The following CCDC88C variants were observed in gnomAD, a reference collection of about 807,000 sequenced individuals.
CCDC88C encodes the protein protein Daple.
CCDC88C carries 131 observed loss-of-function variants against 198.8 expected under a neutral mutation model. That is an observed-to-expected ratio of 0.66 (90% CI 0.57 to 0.76). CCDC88C has a LOEUF of 0.76. Ranked by LOEUF, CCDC88C falls within the 30% of genes least tolerant of loss-of-function variation. The pLI is 0.00. For missense variants in CCDC88C, 2,553 were observed against 2,631.6 expected, an observed-to-expected ratio of 0.97 and a Z score of 0.65; for synonymous variants, 1,166 against 1,114.7, an observed-to-expected ratio of 1.05 and a Z score of -0.92.
At chr14:91,274,468 G>A (rs910731725) in intron 29 of CCDC88C, among the ~76,000 whole-genome samples, 1 of 152,230 alleles carries the variant, frequency 6.6e-6, no homozygotes, top group Non-Finnish European at 1.5e-5. Context: ...AGCTTCTCCT[G>A]AGGCTGACAT....
rs552261859 is a variant in CCDC88C at position 91,407,751 on chromosome 14, C to G, written c.270+908G>C. Reference sequence around the variant, plus strand: ...ATCACTAACACCATCAAAGACTCAACTGGCCTTCCCAAGGCTGGGATGGGT... The same window carrying G: ...ATCACTAACACCATCAAAGACTCAAGTGGCCTTCCCAAGGCTGGGATGGGT... On this transcript the variant is annotated intron_variant, in intron 3 of 29. Coordinates refer to ENST00000389857, the MANE Select transcript of CCDC88C (RefSeq NM_001080414.4). Among the ~76,000 whole-genome samples, 3 of 152,282 alleles carry G rather than the reference C, an allele frequency of 2.0e-5. No individual in the cohort carries two copies. The South Asian group carries it at 6.2e-4, about 32-fold the overall frequency.
At chr14:91,395,272 A>G (rs1248288563) in intron 3 of CCDC88C, among the ~76,000 whole-genome samples, 4 of 152,164 alleles carry the variant, frequency 2.6e-5, no homozygotes, top group Admixed American at 6.5e-5. Context: ...ATACAGGTGA[A>G]CAAGTACGTC....
intron 26 of CCDC88C, among the ~76,000 whole-genome samples, chr14:91,282,765 C>T (rs181647300): frequency 8.5e-5 from 13 of 152,270 alleles, no homozygotes; most frequent in African/African-American, 3.1e-4. Flanking sequence ...AGTTCAGAGA[C>T]GCTATCCTTT....
chr14:91,356,514 C>T (rs947513964), intron 4 of CCDC88C, among the ~76,000 whole-genome samples: 5 of 152,114 alleles, frequency 3.3e-5, no homozygotes, highest in African/African-American at 7.2e-5. Flanking sequence ...TTATATACCA[C>T]GGGGGCCCCA....
At chr14:91,332,981 G>C (rs554994379) in intron 10 of CCDC88C, among the ~76,000 whole-genome samples, 2 of 152,334 alleles carry the variant, frequency 1.3e-5, no homozygotes, top group East Asian at 3.9e-4. Flanking sequence ...GGGAATCCAC[G>C]AGTGAAGAGC....
At chr14:91,286,089 A>T (rs527981839) in intron 25 of CCDC88C, among the ~76,000 whole-genome samples, 1 of 152,172 alleles carries the variant, frequency 6.6e-6, no homozygotes, top group Admixed American at 6.5e-5. Context: ...TCAGCGTGTG[A>T]GGAGAATTAC....
intron 17 of CCDC88C, 60 bp downstream of exon 17, chr14:91,308,291 C>A (rs1039781120): frequency 5.0e-6 from 8 of 1,598,170 alleles, no homozygotes; most frequent in Admixed American, 1.7e-5. Flanking sequence ...AGGTGAGGGG[C>A]TGGAAAGGGT....
chr14:91,382,625 A>T (rs995949122), intron 3 of CCDC88C, among the ~76,000 whole-genome samples: 3 of 152,110 alleles, frequency 2.0e-5, no homozygotes, highest in African/African-American at 7.2e-5. Flanking sequence ...ACAACCACCA[A>T]AGCTGGGGAT....
At position 91,324,918 on chromosome 14, in the gene CCDC88C, C is replaced by G. The variant is rs1450931207; in HGVS notation, c.1203G>C (p.Arg401=). Residue 401 remains arginine, a synonymous_variant, in exon 12 of 30, where the codon CGG becomes CGC. Transcript: ENST00000389857. ...CCTCAATTCGTTTCTTATCTGTGTCCCGGTCCTGGGGCAAGCAAGAAGAGG... is the reference window on the plus strand; with the variant it reads ...CCTCAATTCGTTTCTTATCTGTGTCGCGGTCCTGGGGCAAGCAAGAAGAGG... The part of the protein sequence containing the change: ...KSKLHDLELD[R]DTDKKRIEEL... The G allele has an allele frequency of 6.2e-7, 1 of 1,613,600 alleles. No individual in the cohort carries two copies. Among genetic ancestry groups the G allele is most frequent in the Admixed American group, 1.7e-5 (1 of 60,026 alleles).
At chr14:91,278,889 C>CT (rs10671669) in intron 28 of CCDC88C, among the ~76,000 whole-genome samples, 11,742 of 54,210 alleles carry the variant, frequency 0.22, 4,283 homozygotes, top group Non-Finnish European at 0.29. Flanking sequence ...ACCAAATACA[C>CT]TTTTTTTTTT....
chr14:91,297,981 T>C (rs887284429), intron 21 of CCDC88C, among the ~76,000 whole-genome samples: 1 of 152,220 alleles, frequency 6.6e-6, no homozygotes, highest in African/African-American at 2.4e-5. Context: ...TGAGATGGTG[T>C]GTATTATGTA....
intron 10 of CCDC88C, among the ~76,000 whole-genome samples, chr14:91,331,708 A>G (rs1892833017): frequency 6.6e-6 from 1 of 152,132 alleles, no homozygotes; most frequent in African/African-American, 2.4e-5. Flanking sequence ...CCTGTTGGGG[A>G]GGCTCCCCAC....
intron 3 of CCDC88C, among the ~76,000 whole-genome samples, chr14:91,373,499 C>T (rs991868816): frequency 4.6e-5 from 7 of 152,308 alleles, no homozygotes; most frequent in Non-Finnish European, 1.0e-4. Flanking sequence ...CCCCCACTCG[C>T]TCCTCCAAAA....
intron 4 of CCDC88C, among the ~76,000 whole-genome samples, chr14:91,351,690 C>T (rs1019974421): frequency 2.4e-4 from 37 of 152,160 alleles, no homozygotes; most frequent in Non-Finnish European, 3.2e-4. Flanking sequence ...CTCTGGCAGG[C>T]GCTAAGCTGC....
At chr14:91,294,047 G>T in intron 23 of CCDC88C, 126 bp downstream of exon 23, 2 of 1,020,550 alleles carry the variant, frequency 2.0e-6, no homozygotes, top group Non-Finnish European at 3.0e-6. Context: ...ATCGGTCTGT[G>T]CCCTGCCCTC....
rs528919018 is a variant in CCDC88C, at chr14:91,312,468, A to C, written c.2736+612T>G. 2.4e-3 allele frequency among the ~76,000 whole-genome samples: 369 copies of C among 152,286 alleles called. 2 individuals are homozygous for C. Among genetic ancestry groups the C allele is most frequent in the African/African-American group, 8.6e-3 (356 of 41,552 alleles). ...GAGGCCGAGGCGGGTGGGTCACCTGAGGTCAGGCGTTCGAGACCAGCCTGG... is the reference window on the plus strand; with the variant it reads ...GAGGCCGAGGCGGGTGGGTCACCTGCGGTCAGGCGTTCGAGACCAGCCTGG... On this transcript the variant is annotated intron_variant, in intron 15 of 29. Coordinates refer to ENST00000389857, the MANE Select transcript of CCDC88C (RefSeq NM_001080414.4).
chr14:91,411,962 CAAAAA>C (rs35255337), intron 2 of CCDC88C, among the ~76,000 whole-genome samples: 1 of 97,856 alleles, frequency 1.0e-5, no homozygotes, highest in Non-Finnish European at 2.3e-5. Context: ...GACTCCATCT[CAAAAA>C]AAAAAAAAAA....
At chr14:91,357,230 C>A (rs555545247) in intron 4 of CCDC88C, among the ~76,000 whole-genome samples, 4 of 152,154 alleles carry the variant, frequency 2.6e-5, no homozygotes, top group African/African-American at 9.7e-5. Flanking sequence ...CACAGAAGCA[C>A]GTTTTCATTC....
At chr14:91,358,234 T>C (rs1894132331) in intron 4 of CCDC88C, among the ~76,000 whole-genome samples, 1 of 152,184 alleles carries the variant, frequency 6.6e-6, no homozygotes, top group Non-Finnish European at 1.5e-5. Context: ...TCAAGGCCAC[T>C]AGCTACTGTC....
Sources: gnomAD v4.1 joint callset for allele counts (sites outside exome capture counted in the v4.1 genomes callset) on GRCh38, gnomAD v4.1.1 for gene constraint, MANE v1.5 for transcripts, NCBI Gene and HGNC (gene_info 2026-07-23, HGNC 2026-07-21) for gene names.